The following OSBPL5 variants were observed in gnomAD, a reference collection of about 807,000 sequenced individuals.
OSBPL5 encodes oxysterol binding protein like 5.
A neutral mutation model predicts 111.2 loss-of-function variants in OSBPL5; 71 were observed. That is an observed-to-expected ratio of 0.64 (90% CI 0.53 to 0.78). The LOEUF (loss-of-function observed/expected upper bound fraction) is 0.78, where lower values mean the gene tolerates loss of function less well. Among genes scored for constraint, OSBPL5 ranks in the 30% least tolerant of loss-of-function variants. The pLI is 0.00. For synonymous variants in OSBPL5, 549 were observed against 513.9 expected (o/e 1.07, Z -0.93); for missense variants, 1,210 against 1,189.3 (o/e 1.02, Z -0.26).
intron 1 of OSBPL5, among the ~76,000 whole-genome samples, chr11:3,155,818 C>G (rs572051351): frequency 8.5e-5 from 13 of 152,232 alleles, no homozygotes; most frequent in Non-Finnish European, 1.8e-4. Context: ...CCCGTCTCCC[C>G]GTCTTTGGCA....
Position 3,092,877 on chromosome 11 carries a change from G to T in OSBPL5, c.2122C>A (p.Arg708=). The T allele has an allele frequency of 6.5e-7, 1 of 1,545,136 alleles. No individual in the cohort carries two copies. The highest frequency in any genetic ancestry group is 1.4e-5 in the African/African-American group (1 of 73,452). ...TTTGTCGGCACTCACTCCTCGTATC[G>T]GTAGTGCCACTCCTGGGTGATGGGG... ...LDPITQEWHY[R]YEDHSPWDPL... Residue 708 remains arginine, a synonymous_variant, in exon 18 of 22, where the codon CGA becomes AGA. Transcript: ENST00000263650. The surrounding 1 kb of genome is among the most constrained non-coding windows in gnomAD (Gnocchi z 5.4).
At position 3,148,013 on chromosome 11, in the gene OSBPL5, C is replaced by T. The variant is rs575985848; in HGVS notation, c.-22+17203G>A. The stretch of plus-strand genomic sequence containing the variant: ...ACTCTCCTGTTCCTCATCCTCCGCA[C>T]GCCCCCGGCACCCAGACTTGGCACA... On this transcript the variant is annotated intron_variant, in intron 1 of 21. Transcript: ENST00000263650. 1.1e-4 allele frequency among the ~76,000 whole-genome samples: 17 copies of T among 152,316 alleles called. No homozygotes were observed. The East Asian group carries it at 1.2e-3, about 10-fold the overall frequency.
Position 3,105,644 on chromosome 11 carries a change from C to T in OSBPL5, c.1060-1267G>A, listed in dbSNP as rs1169558162. 2.0e-5 allele frequency among the ~76,000 whole-genome samples: 3 copies of T among 152,160 alleles called. No individual in the cohort carries two copies. Among genetic ancestry groups the T allele is most frequent in the Non-Finnish European group, 4.4e-5 (3 of 68,026 alleles). On this transcript the variant is annotated intron_variant, in intron 9 of 21. Coordinates refer to ENST00000263650, the MANE Select transcript of OSBPL5 (RefSeq NM_020896.4). This position sits in a 1 kb window ranked among gnomAD's most constrained non-coding sequence, Gnocchi z 5.2. ...ATCCCTGCTTCTCATCCTGCCCCACCTCTCGGACCAGCTGGCTCTGAGACA... is the reference window on the plus strand; with the variant it reads ...ATCCCTGCTTCTCATCCTGCCCCACTTCTCGGACCAGCTGGCTCTGAGACA...
chr11:3,100,291 C>G (rs17263699), intron 13 of OSBPL5, 35 bp from the exon 14 acceptor site: 1 of 1,596,360 alleles, frequency 6.3e-7, no homozygotes, highest in East Asian at 2.2e-5. Context: ...CCAGTGAGTG[C>G]GGACAGCCCT....
At chr11:3,157,473 A>G (rs4758543) in intron 1 of OSBPL5, among the ~76,000 whole-genome samples, 92,925 of 152,106 alleles carry the variant, frequency 0.61, 28,895 homozygotes, top group African/African-American at 0.66. Flanking sequence ...CTGAGGCAGC[A>G]CCCCGATGGA....
intron 1 of OSBPL5, among the ~76,000 whole-genome samples, chr11:3,131,880 C>G (rs79174598): frequency 1.3e-5 from 1 of 76,702 alleles, no homozygotes. Context: ...CATCCATCCA[C>G]CCATCCACCC....
In OSBPL5 at chr11:3,162,952, A is replaced by G. The variant is rs1390987632; in HGVS notation, c.-22+2264T>C. Among the ~76,000 whole-genome samples, 1 of 151,588 alleles carries G rather than the reference A, an allele frequency of 6.6e-6. No individual in the cohort carries two copies. The highest frequency in any genetic ancestry group is 1.5e-5 in the Non-Finnish European group (1 of 67,906). On this transcript the variant is annotated intron_variant, in intron 1 of 21. Coordinates refer to ENST00000263650, the MANE Select transcript of OSBPL5 (RefSeq NM_020896.4). This position sits in a 1 kb window ranked among gnomAD's most constrained non-coding sequence, Gnocchi z 8.1. ...CCTGGGCTCCCCTGCCAACCCTGCA[A>G]GTGGTGGGCACTTCTACCCACCTGG... is the stretch of plus-strand genomic sequence containing the variant.
At chr11:3,148,982 C>T (rs1298300264) in intron 1 of OSBPL5, among the ~76,000 whole-genome samples, 2 of 152,186 alleles carry the variant, frequency 1.3e-5, no homozygotes, top group East Asian at 1.9e-4. Context: ...AGGTCTCCTC[C>T]GTGGGCTGCA....
intron 7 of OSBPL5, among the ~76,000 whole-genome samples, chr11:3,117,540 A>G (rs1858254819): frequency 6.6e-6 from 1 of 152,250 alleles, no homozygotes; most frequent in Non-Finnish European, 1.5e-5. Context: ...AGTATAATAA[A>G]GCAAACCAGT....
Position 3,092,316 on chromosome 11 carries a change from G to A in OSBPL5, c.2259+116C>T. On this transcript the variant is annotated intron_variant, in intron 19 of 21. Transcript: ENST00000263650. The surrounding 1 kb of genome is among the most constrained non-coding windows in gnomAD (Gnocchi z 5.4). ...AAAGGGGACGAGGGGGCTGGGGGATGAGGGCGTGAGGGAAACGGAGCGAGG... is the reference window on the plus strand; with the variant it reads ...AAAGGGGACGAGGGGGCTGGGGGATAAGGGCGTGAGGGAAACGGAGCGAGG... The A allele has an allele frequency of 1.5e-6, 2 of 1,337,512 alleles. No individual in the cohort carries two copies. The highest frequency in any genetic ancestry group is 2.0e-6 in the Non-Finnish European group (2 of 1,012,660). 82.9% of individuals were successfully genotyped at this position (1,337,512 alleles called of 1,614,324 possible).
At position 3,092,464 on chromosome 11, in the gene OSBPL5, T is replaced by G; in HGVS notation, c.2227A>C (p.Thr743Pro). The change falls in exon 19 of 22, where the codon ACC becomes CCC. Residue 743 changes from threonine (T) to proline (P), a missense_variant. Thr to Pro is a conservative substitution (Grantham distance 38, BLOSUM62 -1). Coordinates refer to ENST00000263650, the MANE Select transcript of OSBPL5 (RefSeq NM_020896.4). The surrounding 1 kb of genome is among the most constrained non-coding windows in gnomAD (Gnocchi z 5.4). ...CTGGGCCCTGGGCTGCCCAGGAAGG[T>G]GGTCTGGCGGGCCACGGCCTCCTGC... ...LQQEAVARQTTFLGSPGPRHE... is the reference protein window; with the variant it reads ...LQQEAVARQTPFLGSPGPRHE... The G allele has an allele frequency of 6.3e-7, 1 of 1,577,982 alleles. No individual in the cohort carries two copies. Among genetic ancestry groups the G allele is most frequent in the East Asian group, 2.3e-5 (1 of 42,796 alleles).
intron 10 of OSBPL5, among the ~76,000 whole-genome samples, chr11:3,103,807 T>C (rs74048798): frequency 0.3 from 13,094 of 43,330 alleles, 1,309 homozygotes; most frequent in African/African-American, 0.39. Context: ...TCTGCAGCCC[T>C]CTTCCTGCCT....
intron 1 of OSBPL5, among the ~76,000 whole-genome samples, chr11:3,150,959 G>C (rs754547115): frequency 2.0e-5 from 3 of 152,144 alleles, no homozygotes; most frequent in Non-Finnish European, 4.4e-5. Flanking sequence ...GGGTTGAATT[G>C]TGTCTTCATG....
intron 1 of OSBPL5, chr11:3,164,128 T>G (rs1324265842): frequency 6.6e-6 from 1 of 152,210 alleles, no homozygotes; most frequent in African/African-American, 2.4e-5. Flanking sequence ...CTCCAGGCTT[T>G]GGGAGGCTGT....
chr11:3,143,749 G>A (rs1210791341), intron 1 of OSBPL5, among the ~76,000 whole-genome samples: 1 of 152,208 alleles, frequency 6.6e-6, no homozygotes, highest in East Asian at 1.9e-4. Flanking sequence ...CATGGGCTTT[G>A]GAGTCCACTA....
At chr11:3,091,074 G>A (rs1318945468) in intron 19 of OSBPL5, among the ~76,000 whole-genome samples, 2 of 152,234 alleles carry the variant, frequency 1.3e-5, no homozygotes, top group Admixed American at 6.5e-5. Flanking sequence ...GATGAAAGCC[G>A]AGGCCACTGT....
intron 2 of OSBPL5, among the ~76,000 whole-genome samples, chr11:3,127,682 G>A (rs1220737343): frequency 1.3e-5 from 2 of 152,230 alleles, no homozygotes; most frequent in Admixed American, 6.5e-5. Context: ...GGCTTGGCCT[G>A]TGGCCGCCAG....
intron 14 of OSBPL5, among the ~76,000 whole-genome samples, chr11:3,095,765 C>A (rs1266690967): frequency 6.6e-6 from 1 of 152,130 alleles, no homozygotes; most frequent in African/African-American, 2.4e-5. Flanking sequence ...ACATAGTAGA[C>A]AAGGGGAAGT....
At chr11:3,164,430 G>T in intron 1 of OSBPL5, 1 of 152,786 alleles carries the variant, frequency 6.5e-6, no homozygotes, top group Non-Finnish European at 1.5e-5. Flanking sequence ...GTCTGGGTGG[G>T]GGTTGGGGGC....
Sources: allele counts gnomAD v4.1 joint callset (sites outside exome capture counted in the v4.1 genomes callset), GRCh38; gene constraint gnomAD v4.1.1; non-coding constraint Gnocchi (gnomAD v3.1); transcripts MANE v1.5; gene names NCBI Gene and HGNC (gene_info 2026-07-23, HGNC 2026-07-21).